Variants in OTOA observed in about 807,000 individuals in gnomAD.
OTOA encodes the protein otoancorin.
A neutral mutation model predicts 110.8 loss-of-function variants in OTOA; 70 were observed. The observed-to-expected ratio is 0.63, with a 90% CI of 0.52 to 0.77. OTOA has a LOEUF of 0.77. OTOA is among the 30% of genes least tolerant of loss of function. The pLI, the probability that OTOA is intolerant of heterozygous loss-of-function variation, is 0.00. For synonymous variants in OTOA, 373 were observed against 431.5 expected (o/e 0.86, Z 1.68); for missense variants, 917 against 1,075.8 (o/e 0.85, Z 2.06).
intron 6 of OTOA, among the ~76,000 whole-genome samples, 197 bp downstream of exon 6, chr16:21,682,022 G>C (rs533575162): frequency 6.6e-6 from 1 of 152,262 alleles, no homozygotes; most frequent in African/African-American, 2.4e-5. Context: ...CTTTGATGGA[G>C]ACATGGTATA....
chr16:21,698,886 A>G (rs1307432010), intron 10 of OTOA, among the ~76,000 whole-genome samples: 5 of 152,302 alleles, frequency 3.3e-5, no homozygotes, highest in South Asian at 4.1e-4. Flanking sequence ...GCAACTTTTT[A>G]TTCGCTAAAA....
At chr16:21,721,708 C>T (rs1898747562) in intron 17 of OTOA, among the ~76,000 whole-genome samples, 2 of 151,938 alleles carry the variant, frequency 1.3e-5, no homozygotes, top group African/African-American at 2.4e-5. Flanking sequence ...GGGAAACATA[C>T]AGCAAGACTC....
chr16:21,704,792 G>A (rs564048699), intron 11 of OTOA, among the ~76,000 whole-genome samples: 8 of 152,086 alleles, frequency 5.3e-5, no homozygotes, highest in Non-Finnish European at 1.0e-4. Flanking sequence ...CTGAGCTGGG[G>A]ACTGGGGCAG....
intron 10 of OTOA, 103 bp from the exon 11 acceptor site, chr16:21,700,785 T>G (rs958786876): frequency 5.2e-6 from 7 of 1,344,618 alleles, no homozygotes; most frequent in Non-Finnish European, 5.3e-6. Flanking sequence ...AGGAGGTGTA[T>G]CCAAGTGTCC....
At chr16:21,717,183 G>T (rs1898583010) in intron 15 of OTOA, 136 bp downstream of exon 15, 1 of 1,319,300 alleles carries the variant, frequency 7.6e-7, no homozygotes. Flanking sequence ...ATAGTATAGT[G>T]TTAAGAATTT....
Position 21,722,888 on chromosome 16 carries a change from A to G in OTOA, c.1807-17A>G, listed in dbSNP as rs1469603750. On this transcript the variant is annotated splice_polypyrimidine_tract_variant and intron_variant, in intron 17 of 28. Transcript: ENST00000646100. ...CTTCTTACTGCATTAAATCCCCAGAACTGCTTAATCTTTCAGGTTAATTGT... is the reference window on the plus strand; with the variant it reads ...CTTCTTACTGCATTAAATCCCCAGAGCTGCTTAATCTTTCAGGTTAATTGT... 2 of 1,612,078 alleles carry G rather than the reference A, an allele frequency of 1.2e-6. No individual in the cohort carries two copies. Among genetic ancestry groups the G allele is most frequent in the Non-Finnish European group, 1.7e-6 (2 of 1,178,288 alleles).
intron 1 of OTOA, among the ~76,000 whole-genome samples, chr16:21,677,051 T>C (rs1966859357): frequency 6.6e-6 from 1 of 152,228 alleles, no homozygotes; most frequent in African/African-American, 2.4e-5. Flanking sequence ...AATTTCTTTT[T>C]ATTGTTATTA....
chr16:21,699,107 T>TACACACCACTAC (rs1898000347), intron 10 of OTOA, among the ~76,000 whole-genome samples: 1 of 152,038 alleles, frequency 6.6e-6, no homozygotes, highest in Non-Finnish European at 1.5e-5. Context: ...CATGCCACCA[T>TACACACCACTAC]GCCTGGCTAA....
At chr16:21,682,936 T>C (rs1344026916) in intron 6 of OTOA, among the ~76,000 whole-genome samples, 3 of 152,228 alleles carry the variant, frequency 2.0e-5, no homozygotes, top group South Asian at 4.1e-4. Flanking sequence ...GCTTTTCTTT[T>C]CTTCTTCATC....
intron 17 of OTOA, among the ~76,000 whole-genome samples, chr16:21,722,026 C>G (rs901813341): frequency 2.0e-5 from 3 of 150,656 alleles, no homozygotes; most frequent in Non-Finnish European, 4.4e-5. Context: ...GAGTTCGAAA[C>G]CAGCCTGGCC....
chr16:21,709,387 A>G (rs1337970413), intron 12 of OTOA, among the ~76,000 whole-genome samples: 6 of 151,994 alleles, frequency 3.9e-5, no homozygotes, highest in Admixed American at 3.3e-4. Context: ...GTGAGCCAAG[A>G]CCACACCATT....
Position 21,687,491 on chromosome 16 carries a change from T to C in OTOA, c.478T>C (p.Phe160Leu), listed in dbSNP as rs754381802. 3 of 1,613,904 alleles carry C rather than the reference T, an allele frequency of 1.9e-6. No homozygotes were observed. The highest frequency in any genetic ancestry group is 2.7e-5 in the African/African-American group (2 of 74,878). ...LQSPGVNRSL[F>L]LITLERCFQM... ...GAGCCCTGGCGTGAACCGCAGCCTG[T>C]TTCTCATCACACTGGAGAGGTGTTT... is the stretch of plus-strand genomic sequence containing the variant. The change falls in exon 8 of 29, where the codon TTT (phenylalanine) becomes CTT (leucine). Residue 160 changes from phenylalanine (F) to leucine (L), a missense_variant. By Grantham distance (22) the Phe-to-Leu change is conservative. This residue lies in a region of OTOA where 840 missense variants were observed against 910.2 expected (regional missense o/e 0.92). Transcript: ENST00000646100.
At position 21,728,236 on chromosome 16, in the gene OTOA, T is replaced by C; in HGVS notation, c.2017-5T>C. 1 of 1,614,104 alleles carries C rather than the reference T, an allele frequency of 6.2e-7. No homozygotes were observed. The highest frequency in any genetic ancestry group is 8.5e-7 in the Non-Finnish European group (1 of 1,179,976). On this transcript the variant is annotated splice_polypyrimidine_tract_variant and splice_region_variant and intron_variant, in intron 19 of 28. Coordinates refer to ENST00000646100, the MANE Select transcript of OTOA (RefSeq NM_144672.4). ...CTGCCCATTGGCTCCACTTTTTGGG[T>C]TCAGGACGACTCCATTGCTGATGAG...
rs570636162 is a variant in OTOA, at chr16:21,670,349, C to T, written c.-5+6117C>T. The stretch of plus-strand genomic sequence containing the variant: ...CAAATTATGCTCCTAATATCAAAGC[C>T]TTTGCACTGTCATTTTCTTTTCTTT... On this transcript the variant is annotated intron_variant, in intron 1 of 28. Transcript: ENST00000646100. Among the ~76,000 whole-genome samples the T allele has an allele frequency of 2.0e-5, 3 of 152,172 alleles. No homozygotes were observed. The South Asian group carries it at 6.2e-4, about 32-fold the overall frequency.
intron 21 of OTOA, among the ~76,000 whole-genome samples, chr16:21,733,944 C>T (rs1334850875): frequency 2.0e-5 from 3 of 152,152 alleles, no homozygotes; most frequent in African/African-American, 7.2e-5. Flanking sequence ...GGATTATAGG[C>T]ATACACCACC....
chr16:21,728,968 A>G (rs986838612), intron 20 of OTOA, among the ~76,000 whole-genome samples: 1 of 152,124 alleles, frequency 6.6e-6, no homozygotes, highest in Non-Finnish European at 1.5e-5. Flanking sequence ...ACAGCTTGGC[A>G]TATGAAGGGG....
chr16:21,701,706 C>T (rs1030763139), intron 11 of OTOA, among the ~76,000 whole-genome samples: 4 of 152,118 alleles, frequency 2.6e-5, no homozygotes, highest in African/African-American at 9.7e-5. Flanking sequence ...GCAACCTCCA[C>T]CTCCTGGGTT....
Position 21,709,934 on chromosome 16 carries a change from A to G in OTOA, c.1151A>G (p.Asn384Ser), listed in dbSNP as rs781741494. 2.5e-5 allele frequency: 41 copies of G among 1,613,806 alleles called. No individual in the cohort carries two copies. Among genetic ancestry groups the G allele is most frequent in the African/African-American group, 1.2e-4 (9 of 74,858 alleles). The part of the protein sequence containing the change: ...LDIAMENQTL[N>S]ETLGSLSDAV... The stretch of plus-strand genomic sequence containing the variant: ...ATTGCCATGGAGAACCAGACCCTCA[A>G]TGAGACCCTGGGTTCTTTGTCGGAT... Residue 384 changes from asparagine to serine, a missense_variant, in exon 13 of 29, where the codon AAT becomes AGT. This residue lies in a region of OTOA where 840 missense variants were observed against 910.2 expected (regional missense o/e 0.92). Transcript: ENST00000646100.
chr16:21,750,224 G>C (rs1389134387), intron 24 of OTOA, among the ~76,000 whole-genome samples: 37 of 150,414 alleles, frequency 2.5e-4, no homozygotes, highest in Non-Finnish European at 1.9e-4. Context: ...AGACCAGCCT[G>C]GCCAACAGTG....
Sources: gnomAD v4.1 joint callset for allele counts (sites outside exome capture counted in the v4.1 genomes callset) on GRCh38, gnomAD v4.1.1 for gene constraint, gnomAD v4.1.1 regional missense constraint, MANE v1.5 for transcripts, NCBI Gene and HGNC (gene_info 2026-07-23, HGNC 2026-07-21) for gene names.